Variants in PRDM16 observed in about 807,000 individuals in gnomAD.
PRDM16 encodes PR/SET domain 16.
In PRDM16, 23 loss-of-function variants were observed where a neutral mutation model predicts 110.6. The ratio of observed to expected loss-of-function variants is 0.21; its 90% CI spans 0.15 to 0.29. PRDM16 has a LOEUF of 0.29. Ranked by LOEUF, PRDM16 falls within the 10% of genes least tolerant of loss-of-function variation. The pLI is 1.00. For missense variants in PRDM16, 1,615 were observed against 1,794.3 expected, an observed-to-expected ratio of 0.90 and a Z score of 1.81; for synonymous variants, 799 against 781.8, an observed-to-expected ratio of 1.02 and a Z score of -0.37.
intron 12 of PRDM16, among the ~76,000 whole-genome samples, chr1:3,424,543 C>T (rs907563608): frequency 3.3e-5 from 5 of 152,238 alleles, no homozygotes; most frequent in South Asian, 2.1e-4. Flanking sequence ...CCCACGTGCA[C>T]GGTGCAGGCC....
chr1:3,416,804 G>A (rs1569746387), intron 10 of PRDM16, among the ~76,000 whole-genome samples: 1 of 152,340 alleles, frequency 6.6e-6, no homozygotes, highest in Middle Eastern at 3.4e-3. Flanking sequence ...GAGGCCCGGG[G>A]TTTGTTCCCT....
chr1:3,403,063 C>T (rs1643500864), intron 6 of PRDM16, 65 bp downstream of exon 6: 7 of 719,182 alleles, frequency 9.7e-6, no homozygotes, highest in Non-Finnish European at 1.3e-5. Context: ...TCCTCCCCTT[C>T]CCGTGCCCTC....
At chr1:3,366,000 A>G (rs1284426441) in intron 3 of PRDM16, among the ~76,000 whole-genome samples, 1 of 151,710 alleles carries the variant, frequency 6.6e-6, no homozygotes. Context: ...ATGCACACAT[A>G]CGCGCACGCA....
chr1:3,250,243 G>A (rs1313986594), intron 3 of PRDM16, among the ~76,000 whole-genome samples: 1 of 151,922 alleles, frequency 6.6e-6, no homozygotes, highest in East Asian at 1.9e-4. Context: ...AGGGGCCGCA[G>A]CCACAGCTCC....
chr1:3,266,263 A>G (rs1199156589), intron 3 of PRDM16, among the ~76,000 whole-genome samples: 1 of 152,132 alleles, frequency 6.6e-6, no homozygotes, highest in Admixed American at 6.5e-5. Context: ...AGAGACGTAA[A>G]CTTCCACGGA....
intron 12 of PRDM16, among the ~76,000 whole-genome samples, chr1:3,419,853 G>A (rs1440660532): frequency 6.6e-6 from 1 of 151,968 alleles, no homozygotes; most frequent in African/African-American, 2.4e-5. Flanking sequence ...CCAACTCGCA[G>A]GGTAAATGAC....
Position 3,243,209 on chromosome 1 carries a change from G to C in PRDM16, c.388-878G>C, listed in dbSNP as rs1010298745. On this transcript the variant is annotated intron_variant, in intron 2 of 16. Transcript: ENST00000270722. This position sits in a 1 kb window ranked among gnomAD's most constrained non-coding sequence, Gnocchi z 5.5. ...TGTGGCCCACAGCCCGCTGCTGGGG[G>C]TCCTCAGTGGCCACCCCGGGCACCT... Among the ~76,000 whole-genome samples the C allele has an allele frequency of 3.3e-5, 5 of 152,206 alleles. No homozygotes were observed. Among genetic ancestry groups the C allele is most frequent in the Non-Finnish European group, 5.9e-5 (4 of 68,028 alleles).
intron 1 of PRDM16, among the ~76,000 whole-genome samples, chr1:3,091,068 T>A (rs779936820): frequency 2.0e-5 from 3 of 152,150 alleles, no homozygotes; most frequent in Non-Finnish European, 2.9e-5. Context: ...GAGCTCTAGC[T>A]CTGGACGGGG....
chr1:3,081,726 G>A lies in PRDM16; in HGVS notation c.37+12430G>A, dbSNP rs1570215142. On this transcript the variant is annotated intron_variant, in intron 1 of 16. Coordinates refer to ENST00000270722, the MANE Select transcript of PRDM16 (RefSeq NM_022114.4). This position sits in a 1 kb window ranked among gnomAD's most constrained non-coding sequence, Gnocchi z 4.6. The stretch of plus-strand genomic sequence containing the variant: ...CCTGGGTGTCGGTCACTAGAGAGTG[G>A]GTAGAGCCTGGCCACAGGGCACGTG... Among the ~76,000 whole-genome samples, 3 of 152,240 alleles carry A rather than the reference G, an allele frequency of 2.0e-5. No homozygotes were observed.
intron 1 of PRDM16, among the ~76,000 whole-genome samples, chr1:3,176,579 C>A (rs1644092723): frequency 6.6e-6 from 1 of 150,480 alleles, no homozygotes; most frequent in Non-Finnish European, 1.5e-5. Context: ...TTTATCCATT[C>A]TTCCTTCCTT....
intron 1 of PRDM16, among the ~76,000 whole-genome samples, chr1:3,139,471 G>C (rs1643504407): frequency 6.6e-6 from 1 of 152,262 alleles, no homozygotes; most frequent in Non-Finnish European, 1.5e-5. Context: ...GCAGACGACA[G>C]AGCTGCTGGC....
chr1:3,176,524 A>T (rs1644092176), intron 1 of PRDM16, among the ~76,000 whole-genome samples: 1 of 151,038 alleles, frequency 6.6e-6, no homozygotes, highest in Non-Finnish European at 1.5e-5. Context: ...TCACCCACCC[A>T]TCCATTCATC....
chr1:3,331,825 G>C (rs1464420376), intron 3 of PRDM16, among the ~76,000 whole-genome samples: 1 of 152,230 alleles, frequency 6.6e-6, no homozygotes, highest in African/African-American at 2.4e-5. Context: ...GAATGGCTGT[G>C]AGCTGTGGCC....
chr1:3,336,324 GCACA>G (rs1642147080), intron 3 of PRDM16, among the ~76,000 whole-genome samples: 3 of 151,378 alleles, frequency 2.0e-5, no homozygotes, highest in Non-Finnish European at 4.4e-5. Context: ...TTGTGTACAT[GCACA>G]TGTGTGTACA....
intron 2 of PRDM16, among the ~76,000 whole-genome samples, chr1:3,238,696 G>T (rs1447217074): frequency 6.6e-6 from 1 of 152,176 alleles, no homozygotes; most frequent in Non-Finnish European, 1.5e-5. Context: ...CCACACGGCC[G>T]GAGGGAGCTT....
chr1:3,240,885 A>G (rs1192994247), intron 2 of PRDM16, among the ~76,000 whole-genome samples: 1 of 152,270 alleles, frequency 6.6e-6, no homozygotes, highest in Admixed American at 6.5e-5. Context: ...GCTAAACGCC[A>G]GAGGTCAGAC....
rs376891127 is a variant in PRDM16, at chr1:3,225,728, A to C, written c.388-18359A>C. ...GTTGAAATAAGGCTCTAAAACCGGCACTGGAATGAAGTCAGCAGTGTCTGC... is the reference window on the plus strand; with the variant it reads ...GTTGAAATAAGGCTCTAAAACCGGCCCTGGAATGAAGTCAGCAGTGTCTGC... On this transcript the variant is annotated intron_variant, in intron 2 of 16. Coordinates refer to ENST00000270722, the MANE Select transcript of PRDM16 (RefSeq NM_022114.4). 2.1e-4 allele frequency among the ~76,000 whole-genome samples: 32 copies of C among 152,278 alleles called. No homozygotes were observed. In the East Asian group the frequency reaches 2.7e-3, roughly 13 times the overall value.
chr1:3,320,311 T>C (rs1239301849), intron 3 of PRDM16, among the ~76,000 whole-genome samples: 2 of 151,852 alleles, frequency 1.3e-5, no homozygotes, highest in Non-Finnish European at 2.9e-5. Context: ...AACTCAAGAG[T>C]AGATGTGTGT....
Position 3,081,251 on chromosome 1 carries a change from G to A in PRDM16, c.37+11955G>A, listed in dbSNP as rs536360494. 6.6e-6 allele frequency among the ~76,000 whole-genome samples: 1 copy of A among 152,230 alleles called. No homozygotes were observed. The highest frequency in any genetic ancestry group is 1.5e-5 in the Non-Finnish European group (1 of 68,042). On this transcript the variant is annotated intron_variant, in intron 1 of 16. Coordinates refer to ENST00000270722, the MANE Select transcript of PRDM16 (RefSeq NM_022114.4). The surrounding 1 kb of genome is among the most constrained non-coding windows in gnomAD (Gnocchi z 4.6). Reference sequence around the variant, plus strand: ...GCGGGACTTGGGTTCGAGGCCCCTCGCGGCTGTACCCCGAGTCCCCCGTGC... The same window carrying A: ...GCGGGACTTGGGTTCGAGGCCCCTCACGGCTGTACCCCGAGTCCCCCGTGC...
Sources: gnomAD v4.1 joint callset for allele counts (sites outside exome capture counted in the v4.1 genomes callset) on GRCh38, gnomAD v4.1.1 for gene constraint, Gnocchi (gnomAD v3.1) non-coding constraint, MANE v1.5 for transcripts, NCBI Gene and HGNC (gene_info 2026-07-23, HGNC 2026-07-21) for gene names.